Variants in KIF13B observed in about 807,000 individuals in gnomAD.
KIF13B encodes kinesin family member 13B, also known as kinesin-like protein KIF13B.
In KIF13B, 127 loss-of-function variants were observed where a neutral mutation model predicts 222.0. The observed-to-expected ratio is 0.57, with a 90% CI of 0.50 to 0.66. The LOEUF (loss-of-function observed/expected upper bound fraction) is 0.66, where lower values mean the gene tolerates loss of function less well. KIF13B is among the 30% of genes least tolerant of loss of function. The pLI is 0.00. For missense variants in KIF13B, 2,173 were observed against 2,379.0 expected (o/e 0.91, Z 1.80); for synonymous variants, 976 against 919.0 (o/e 1.06, Z -1.12).
intron 1 of KIF13B, among the ~76,000 whole-genome samples, chr8:29,262,688 C>G (rs1332410892): frequency 2.0e-5 from 3 of 147,974 alleles, no homozygotes. Flanking sequence ...CCGGGGGAGA[C>G]GAGAGGGCAA....
chr8:29,165,377 T>C (rs1211238747), intron 12 of KIF13B, among the ~76,000 whole-genome samples: 1 of 152,182 alleles, frequency 6.6e-6, no homozygotes, highest in African/African-American at 2.4e-5. Flanking sequence ...TAGAATGCGG[T>C]GTTAAGAGCC....
At chr8:29,073,258 T>C (rs979807569) in intron 38 of KIF13B, among the ~76,000 whole-genome samples, 4 of 145,640 alleles carry the variant, frequency 2.7e-5, no homozygotes, top group Non-Finnish European at 4.5e-5. Context: ...TGTCAGGGGC[T>C]GGGGGGGCCT....
chr8:29,105,650 GTTTTTTTTTTT>G (rs869030059), intron 35 of KIF13B, among the ~76,000 whole-genome samples: 2 of 78,058 alleles, frequency 2.6e-5, no homozygotes, highest in African/African-American at 5.6e-5. Flanking sequence ...AGTTTGTTTG[GTTTTTTTTTTT>G]TTTTTTTTTT....
At chr8:29,222,234 C>T (rs1030837693) in intron 2 of KIF13B, among the ~76,000 whole-genome samples, 3 of 151,958 alleles carry the variant, frequency 2.0e-5, no homozygotes, top group Non-Finnish European at 2.9e-5. Flanking sequence ...GCCTGTAGCT[C>T]CAGCTACTCA....
At chr8:29,229,822 T>G (rs1368859193) in intron 2 of KIF13B, among the ~76,000 whole-genome samples, 1 of 152,230 alleles carries the variant, frequency 6.6e-6, no homozygotes, top group Non-Finnish European at 1.5e-5. Flanking sequence ...TAAACAGCTA[T>G]GATTATTGTC....
chr8:29,153,478 C>T (rs1811387534), intron 14 of KIF13B, among the ~76,000 whole-genome samples: 1 of 141,462 alleles, frequency 7.1e-6, no homozygotes, highest in Admixed American at 7.4e-5. Context: ...GGTAGAATAC[C>T]ACTAAGGGAA....
chr8:29,200,302 C>T (rs753738629), intron 2 of KIF13B, among the ~76,000 whole-genome samples: 6 of 152,190 alleles, frequency 3.9e-5, no homozygotes, highest in South Asian at 2.1e-4. Context: ...CCATGTCTCA[C>T]TCATCCCAAG....
At chr8:29,127,896 T>C (rs1810186089) in intron 24 of KIF13B, among the ~76,000 whole-genome samples, 1 of 152,036 alleles carries the variant, frequency 6.6e-6, no homozygotes, top group South Asian at 2.1e-4. Flanking sequence ...CTTTATTATT[T>C]GTTTTATACA....
In KIF13B at chr8:29,190,990, C is replaced by A. The variant is rs749123286; in HGVS notation, c.223+7G>T. The A allele has an allele frequency of 6.2e-7, 1 of 1,607,418 alleles. No individual in the cohort carries two copies. Among genetic ancestry groups the A allele is most frequent in the Non-Finnish European group, 8.5e-7 (1 of 1,174,150 alleles). ...TCAGTAGTTGACAGGATGCTGGATT[C>A]TATTACCTGCATACTTTTCTTTGAC... On this transcript the variant is annotated splice_region_variant and intron_variant, in intron 4 of 39. Coordinates refer to ENST00000524189, the MANE Select transcript of KIF13B (RefSeq NM_015254.4).
intron 18 of KIF13B, among the ~76,000 whole-genome samples, chr8:29,143,270 G>GA (rs1362075065): frequency 6.6e-6 from 1 of 152,214 alleles, no homozygotes; most frequent in Non-Finnish European, 1.5e-5. Context: ...TATCAATGGG[G>GA]AGAGAGGGAA....
intron 31 of KIF13B, 57 bp downstream of exon 31, chr8:29,116,774 G>T: frequency 2.7e-6 from 4 of 1,502,044 alleles, no homozygotes; most frequent in Non-Finnish European, 3.6e-6. Context: ...AGCACTGCAC[G>T]GCCCTACCCT....
chr8:29,243,348 CAA>C (rs777503766), intron 2 of KIF13B, among the ~76,000 whole-genome samples: 57 of 110,630 alleles, frequency 5.2e-4, no homozygotes, highest in African/African-American at 9.6e-4. Context: ...GACCCAGTCT[CAA>C]AAAAAAAAAA....
At chr8:29,216,652 A>G (rs1369842374) in intron 2 of KIF13B, among the ~76,000 whole-genome samples, 1 of 152,200 alleles carries the variant, frequency 6.6e-6, no homozygotes, top group Admixed American at 6.5e-5. Context: ...TTCTACTTTA[A>G]TATTTTGCCC....
At chr8:29,087,201 G>C (rs1331477153) in intron 37 of KIF13B, among the ~76,000 whole-genome samples, 1 of 152,204 alleles carries the variant, frequency 6.6e-6, no homozygotes, top group Non-Finnish European at 1.5e-5. Context: ...GTGTGGAGTG[G>C]AGAAGGTAGT....
intron 8 of KIF13B, among the ~76,000 whole-genome samples, chr8:29,179,453 G>A (rs1008929594): frequency 1.3e-5 from 2 of 152,188 alleles, no homozygotes; most frequent in South Asian, 2.1e-4. Flanking sequence ...GCAGTTAGCC[G>A]TCACAGTTTA....
intron 2 of KIF13B, among the ~76,000 whole-genome samples, chr8:29,215,837 G>A (rs1814454141): frequency 6.6e-6 from 1 of 152,090 alleles, no homozygotes; most frequent in Non-Finnish European, 1.5e-5. Flanking sequence ...TTATAATCTT[G>A]GTGGAAAAAA....
At chr8:29,117,116 G>A in intron 30 of KIF13B, 109 bp from the exon 31 acceptor site, 1 of 916,402 alleles carries the variant, frequency 1.1e-6, no homozygotes, top group Non-Finnish European at 1.6e-6. Context: ...CCAGTCACCA[G>A]CAAAGTTCTA....
intron 1 of KIF13B, among the ~76,000 whole-genome samples, chr8:29,249,821 T>C (rs1410297574): frequency 2.0e-5 from 3 of 152,244 alleles, no homozygotes; most frequent in Admixed American, 2.0e-4. Context: ...TTTACCTAAA[T>C]GTGGAAACAC....
chr8:29,101,062 G>A (rs753888857), intron 35 of KIF13B, among the ~76,000 whole-genome samples: 1 of 152,206 alleles, frequency 6.6e-6, no homozygotes, highest in African/African-American at 2.4e-5. Flanking sequence ...CGTGATCATC[G>A]AGAACGTAAG....
Sources: allele counts gnomAD v4.1 joint callset (sites outside exome capture counted in the v4.1 genomes callset), GRCh38; gene constraint gnomAD v4.1.1; transcripts MANE v1.5; gene names NCBI Gene and HGNC (gene_info 2026-07-23, HGNC 2026-07-21).